Variants in XKR4 observed in about 807,000 individuals in gnomAD.
The protein encoded by XKR4 is XK-related protein 4.
A neutral mutation model predicts 53.9 loss-of-function variants in XKR4; 12 were observed. That is an observed-to-expected ratio of 0.22 (90% CI 0.14 to 0.36). The LOEUF (loss-of-function observed/expected upper bound fraction) is 0.36, where lower values mean the gene tolerates loss of function less well. XKR4 is among the 10% of genes least tolerant of loss of function. XKR4 has a pLI of 1.00. For missense variants in XKR4, 799 were observed against 859.5 expected, an observed-to-expected ratio of 0.93 and a Z score of 0.88; for synonymous variants, 354 against 362.4, an observed-to-expected ratio of 0.98 and a Z score of 0.26.
intron 2 of XKR4, among the ~76,000 whole-genome samples, chr8:55,510,805 T>C (rs1021948577): frequency 6.6e-6 from 1 of 152,174 alleles, no homozygotes; most frequent in Admixed American, 6.5e-5. Context: ...AGAGACAGCA[T>C]GTAAAGGAGC....
intron 1 of XKR4, among the ~76,000 whole-genome samples, chr8:55,169,830 G>A (rs938092074): frequency 6.6e-6 from 1 of 152,172 alleles, no homozygotes; most frequent in African/African-American, 2.4e-5. Context: ...TATTTGTATA[G>A]ATAAGAAATC....
In XKR4 at chr8:55,515,333, G is replaced by A. The variant is rs975411979; in HGVS notation, c.1007-7948G>A. ...GGGATACTGAGAAAGCCCTAGACCC[G>A]GTGGAGCTTGTATTACCTTCCTTCC... On this transcript the variant is annotated intron_variant, in intron 2 of 2. Coordinates refer to ENST00000327381, the MANE Select transcript of XKR4 (RefSeq NM_052898.2). 2.0e-4 allele frequency among the ~76,000 whole-genome samples: 30 copies of A among 152,132 alleles called. 1 individual carries two copies. Among genetic ancestry groups the A allele is most frequent in the Middle Eastern group, 3.2e-3 (1 of 316 alleles).
chr8:55,477,215 A>G (rs1806006696), intron 2 of XKR4, among the ~76,000 whole-genome samples: 1 of 152,136 alleles, frequency 6.6e-6, no homozygotes, highest in Admixed American at 6.5e-5. Flanking sequence ...ACGAGGCAGC[A>G]GCATTTGCAG....
chr8:55,460,930 G>A (rs747697678), intron 2 of XKR4, among the ~76,000 whole-genome samples: 1 of 152,264 alleles, frequency 6.6e-6, no homozygotes, highest in African/African-American at 2.4e-5. Flanking sequence ...GCGAGGCTGG[G>A]GGAGGGGCAC....
intron 1 of XKR4, among the ~76,000 whole-genome samples, chr8:55,235,988 T>C (rs1369193828): frequency 2.0e-5 from 3 of 152,234 alleles, no homozygotes; most frequent in East Asian, 1.9e-4. Context: ...GAGGTGTCTT[T>C]ATCTGACCAT....
Position 55,527,802 on chromosome 8 carries a change from T to A in XKR4, c.*3575T>A, listed in dbSNP as rs1264964976. The A allele has an allele frequency of 1.3e-5, 2 of 152,200 alleles. No individual in the cohort carries two copies. The highest frequency in any genetic ancestry group is 1.3e-4 in the Admixed American group (2 of 15,284). The allele number at this position is 152,200 out of a possible 1,614,324, so 9.4% of individuals were successfully genotyped here. A position where few individuals can be genotyped will look rare whatever the true frequency, so the allele number is the denominator to read the frequency against. ...GCAAAAGATAATCTGAGGATAAAAG[T>A]AAAATGAAGTATTTTATGGTTAATT... On this transcript the variant is annotated 3_prime_UTR_variant, in exon 3 of 3. Transcript: ENST00000327381.
At chr8:55,261,207 G>A (rs901463164) in intron 1 of XKR4, among the ~76,000 whole-genome samples, 18 of 152,238 alleles carry the variant, frequency 1.2e-4, no homozygotes, top group African/African-American at 4.3e-4. Flanking sequence ...GCTGGCAGTT[G>A]CTAATCACGT....
At chr8:55,487,467 C>CTTTT (rs34679908) in intron 2 of XKR4, among the ~76,000 whole-genome samples, 3 of 143,428 alleles carry the variant, frequency 2.1e-5, no homozygotes, top group Non-Finnish European at 1.5e-5. Flanking sequence ...GACATGCTTT[C>CTTTT]TTTTTTTTTT....
chr8:55,147,778 G>A (rs1164456705), intron 1 of XKR4, among the ~76,000 whole-genome samples: 2 of 152,144 alleles, frequency 1.3e-5, no homozygotes, highest in African/African-American at 4.8e-5. Context: ...TTGGTCCTGT[G>A]GGCCTATTTT....
chr8:55,214,572 G>T (rs1817776022), intron 1 of XKR4, among the ~76,000 whole-genome samples: 1 of 152,200 alleles, frequency 6.6e-6, no homozygotes, highest in South Asian at 2.1e-4. Flanking sequence ...ATATTGAGTA[G>T]TGATGGTTTT....
chr8:55,386,844 A>C (rs1202542962), intron 2 of XKR4, among the ~76,000 whole-genome samples: 1 of 152,236 alleles, frequency 6.6e-6, no homozygotes, highest in Non-Finnish European at 1.5e-5. Flanking sequence ...AAGAAACTTC[A>C]TTATAACATT....
At chr8:55,194,964 C>T (rs921525033) in intron 1 of XKR4, among the ~76,000 whole-genome samples, 3 of 152,116 alleles carry the variant, frequency 2.0e-5, no homozygotes, top group African/African-American at 4.8e-5. Flanking sequence ...TAGATGTCTA[C>T]GTGACTGGGA....
intron 2 of XKR4, among the ~76,000 whole-genome samples, chr8:55,518,748 T>C (rs990069185): frequency 6.6e-6 from 1 of 151,970 alleles, no homozygotes; most frequent in African/African-American, 2.4e-5. Flanking sequence ...AGACATGGAG[T>C]GACTGAGGTC....
At chr8:55,333,348 A>G (rs959260865) in intron 1 of XKR4, among the ~76,000 whole-genome samples, 1 of 152,030 alleles carries the variant, frequency 6.6e-6, no homozygotes, top group Non-Finnish European at 1.5e-5. Context: ...CCACCCCTCT[A>G]TCTTTGCAAA....
At chr8:55,276,702 T>C (rs1400183411) in intron 1 of XKR4, among the ~76,000 whole-genome samples, 2 of 152,228 alleles carry the variant, frequency 1.3e-5, no homozygotes, top group African/African-American at 4.8e-5. Context: ...AGAAATTTGA[T>C]TTATACTATT....
At chr8:55,178,719 C>T (rs1235531370) in intron 1 of XKR4, among the ~76,000 whole-genome samples, 1 of 152,156 alleles carries the variant, frequency 6.6e-6, no homozygotes, top group Non-Finnish European at 1.5e-5. Context: ...CTTTTGACCT[C>T]CATTTCCTCA....
chr8:55,502,530 T>G (rs964734065), intron 2 of XKR4, among the ~76,000 whole-genome samples: 1 of 152,248 alleles, frequency 6.6e-6, no homozygotes, highest in Non-Finnish European at 1.5e-5. Context: ...TGTAACCTCT[T>G]TGAAGAAATA....
At chr8:55,467,507 T>A (rs1274384702) in intron 2 of XKR4, among the ~76,000 whole-genome samples, 2 of 152,136 alleles carry the variant, frequency 1.3e-5, no homozygotes, top group Admixed American at 1.3e-4. Flanking sequence ...TGGCGAGGGT[T>A]GGGACTGGGG....
At chr8:55,108,550 G>C (rs1168632796) in intron 1 of XKR4, among the ~76,000 whole-genome samples, 1 of 152,110 alleles carries the variant, frequency 6.6e-6, no homozygotes. Flanking sequence ...CATAATGGGA[G>C]AGTCATTTTT....
Sources: gnomAD v4.1 joint callset for allele counts (sites outside exome capture counted in the v4.1 genomes callset) on GRCh38, gnomAD v4.1.1 for gene constraint, MANE v1.5 for transcripts, NCBI Gene and HGNC (gene_info 2026-07-23, HGNC 2026-07-21) for gene names.